Variants in LDLRAD4 observed in about 807,000 individuals in gnomAD.
LDLRAD4 encodes low density lipoprotein receptor class A domain containing 4, also known as low-density lipoprotein receptor class A domain-containing protein 4.
In LDLRAD4, 5 loss-of-function variants were observed where a neutral mutation model predicts 17.0. The ratio of observed to expected loss-of-function variants is 0.29; its 90% CI spans 0.15 to 0.62. The LOEUF (loss-of-function observed/expected upper bound fraction) is 0.62. Ranked by LOEUF, LDLRAD4 falls within the 20% of genes least tolerant of loss-of-function variation. LDLRAD4 has a pLI of 0.84. For missense variants in LDLRAD4, 340 were observed against 424.7 expected (o/e 0.80, Z 1.75); for synonymous variants, 168 against 171.8 (o/e 0.98, Z 0.17).
rs553256192 is a variant in LDLRAD4, at chr18:13,401,371, A to G, written c.40+13609A>G. Among the ~76,000 whole-genome samples, 80 of 19,544 alleles carry G rather than the reference A, an allele frequency of 4.1e-3. 1 individual carries two copies. Among genetic ancestry groups the G allele is most frequent in the South Asian group, 0.023 (20 of 860 alleles). 12.8% of individuals were successfully genotyped at this position (19,544 alleles called of 152,430 possible). A position where few individuals can be genotyped will look rare whatever the true frequency, so the allele number is the denominator to read the frequency against. On this transcript the variant is annotated intron_variant, in intron 2 of 5. Coordinates refer to ENST00000359446, the Ensembl canonical transcript of LDLRAD4. ...TGTCTTTTTCTAAATCATCGCTTTG[A>G]AAAAAAAAAAAAAAACTGTCCCTTT...
rs2040776443 is a variant in LDLRAD4, at chr18:13,622,819, G to A, written c.336+1548G>A. 1.3e-5 allele frequency among the ~76,000 whole-genome samples: 2 copies of A among 152,206 alleles called. No individual in the cohort carries two copies. Among genetic ancestry groups the A allele is most frequent in the African/African-American group, 2.4e-5 (1 of 41,440 alleles). ...GCTGCTTTGCCTTAATGTATTACGG[G>A]CTGTGAACGCCACCCCTGGACTTGG... On this transcript the variant is annotated intron_variant, in intron 4 of 5. Coordinates refer to ENST00000359446, the Ensembl canonical transcript of LDLRAD4. The surrounding 1 kb of genome is among the most constrained non-coding windows in gnomAD (Gnocchi z 5.3).
chr18:13,483,811 A>C (rs1600717521), intron 3 of LDLRAD4, among the ~76,000 whole-genome samples: 1 of 152,028 alleles, frequency 6.6e-6, no homozygotes, highest in African/African-American at 2.4e-5. Flanking sequence ...CCCAGGTCTT[A>C]CCCAGCAGTA....
chr18:13,221,452 G>A (rs924200887), intron 1 of LDLRAD4, among the ~76,000 whole-genome samples: 1 of 152,098 alleles, frequency 6.6e-6, no homozygotes, highest in Non-Finnish European at 1.5e-5. Flanking sequence ...TATATTACGG[G>A]TGTACATGGA....
intron 1 of LDLRAD4, among the ~76,000 whole-genome samples, chr18:13,375,342 C>T (rs559144341): frequency 7.2e-5 from 11 of 152,270 alleles, no homozygotes; most frequent in African/African-American, 2.4e-4. Context: ...ATTTAAATGC[C>T]ATCTTTAGTT....
At chr18:13,221,235 A>T (rs1540079) in intron 1 of LDLRAD4, among the ~76,000 whole-genome samples, 102,543 of 152,126 alleles carry the variant, frequency 0.67, 35,853 homozygotes, top group Non-Finnish European at 0.78. Flanking sequence ...CGGCACATGG[A>T]TATTAAATAT....
intron 1 of LDLRAD4, among the ~76,000 whole-genome samples, chr18:13,322,425 C>A (rs1055259989): frequency 6.6e-6 from 1 of 151,436 alleles, no homozygotes; most frequent in African/African-American, 2.4e-5. Context: ...TCAGCCTCCC[C>A]AGTAGATGAG....
At position 13,593,566 on chromosome 18, in the gene LDLRAD4, T is replaced by TGTCC. The variant is rs142793521; in HGVS notation, c.182-27534_182-27531dup. Reference sequence around the variant, plus strand: ...TATTTACTTTATCTATCTATCTGTCTGTCCGTCCGTCCGTCCGTCCATCCA... The same window carrying TGTCC: ...TATTTACTTTATCTATCTATCTGTCTGTCCGTCCGTCCGTCCGTCCGTCCATCCA... On this transcript the variant is annotated intron_variant, in intron 3 of 5. Transcript: ENST00000359446. 3.8e-3 allele frequency among the ~76,000 whole-genome samples: 581 copies of TGTCC among 151,788 alleles called. 4 individuals are homozygous for TGTCC. The highest frequency in any genetic ancestry group is 0.014 in the African/African-American group (558 of 41,152).
intron 3 of LDLRAD4, among the ~76,000 whole-genome samples, chr18:13,556,492 A>C (rs1358341139): frequency 6.6e-6 from 1 of 152,214 alleles, no homozygotes; most frequent in Non-Finnish European, 1.5e-5. Flanking sequence ...GTGCTTGGCT[A>C]TGCCCGAATC....
chr18:13,518,947 G>C (rs2093911990), intron 3 of LDLRAD4, among the ~76,000 whole-genome samples: 1 of 152,218 alleles, frequency 6.6e-6, no homozygotes, highest in Non-Finnish European at 1.5e-5. Flanking sequence ...CCATTCTACG[G>C]AGGATATAAT....
intron 1 of LDLRAD4, among the ~76,000 whole-genome samples, chr18:13,262,849 T>C (rs80311449): frequency 1.5e-5 from 1 of 68,752 alleles, no homozygotes. Flanking sequence ...CCCGTGCGGC[T>C]CCGTGCGTTG....
chr18:13,549,635 A>G (rs2094409730), intron 3 of LDLRAD4, among the ~76,000 whole-genome samples: 1 of 151,818 alleles, frequency 6.6e-6, no homozygotes, highest in African/African-American at 2.4e-5. Context: ...AGAGCAGAGG[A>G]CAGTGGGTTC....
intron 1 of LDLRAD4, among the ~76,000 whole-genome samples, chr18:13,315,690 A>G (rs2146808209): frequency 6.6e-6 from 1 of 151,860 alleles, no homozygotes; most frequent in South Asian, 2.1e-4. Context: ...AGGCTGAGGC[A>G]GGAGAATGGC....
chr18:13,351,669 A>G (rs188536251), intron 1 of LDLRAD4, among the ~76,000 whole-genome samples: 4 of 152,284 alleles, frequency 2.6e-5, no homozygotes, highest in East Asian at 1.9e-4. Flanking sequence ...TTCACAGCCA[A>G]ATTCTACCAG....
At chr18:13,298,351 G>A (rs937087411) in intron 1 of LDLRAD4, among the ~76,000 whole-genome samples, 1 of 152,006 alleles carries the variant, frequency 6.6e-6, no homozygotes, top group Non-Finnish European at 1.5e-5. Context: ...CCTGCTCTAG[G>A]CACAGTGGTG....
chr18:13,334,295 T>C (rs1053607240), intron 1 of LDLRAD4, among the ~76,000 whole-genome samples: 1 of 152,172 alleles, frequency 6.6e-6, no homozygotes, highest in South Asian at 2.1e-4. Context: ...TGGAGTGCAA[T>C]GGTGCAATCT....
intron 1 of LDLRAD4, among the ~76,000 whole-genome samples, chr18:13,299,111 A>G (rs1225131387): frequency 6.6e-6 from 1 of 152,222 alleles, no homozygotes; most frequent in Non-Finnish European, 1.5e-5. Flanking sequence ...ATTCCTGCCC[A>G]GTTAGTGTGA....
intron 3 of LDLRAD4, among the ~76,000 whole-genome samples, chr18:13,480,713 A>G (rs1238734203): frequency 2.6e-5 from 4 of 152,174 alleles, no homozygotes; most frequent in African/African-American, 4.8e-5. Flanking sequence ...TTTTGCTGTG[A>G]ACCTAAAACT....
At chr18:13,247,960 C>CTTTT (rs34516593) in intron 1 of LDLRAD4, among the ~76,000 whole-genome samples, 1,829 of 131,942 alleles carry the variant, frequency 0.014, 57 homozygotes, top group African/African-American at 0.049. Context: ...CGCCCCCCGC[C>CTTTT]TTTTTTTTTT....
intron 1 of LDLRAD4, among the ~76,000 whole-genome samples, chr18:13,309,309 G>A (rs1416230427): frequency 6.6e-6 from 1 of 152,162 alleles, no homozygotes; most frequent in African/African-American, 2.4e-5. Flanking sequence ...GGTAATGAAC[G>A]CCCATCAAGT....
Sources: allele counts gnomAD v4.1 joint callset (sites outside exome capture counted in the v4.1 genomes callset), GRCh38; gene constraint gnomAD v4.1.1; non-coding constraint Gnocchi (gnomAD v3.1); transcripts MANE v1.5; gene names NCBI Gene and HGNC (gene_info 2026-07-23, HGNC 2026-07-21).